The following MAP2K5 variants were observed in gnomAD, a reference collection of about 807,000 sequenced individuals.
MAP2K5 encodes the protein mitogen-activated protein kinase kinase 5.
Under a neutral mutation model 83.1 loss-of-function variants are expected in MAP2K5, and 49 were observed. The observed-to-expected ratio is 0.59, with a 90% CI of 0.47 to 0.75. MAP2K5 has a LOEUF of 0.75. Among genes scored for constraint, MAP2K5 ranks in the 30% least tolerant of loss-of-function variants. The pLI is 0.00. For synonymous variants in MAP2K5, 202 were observed against 191.8 expected, an observed-to-expected ratio of 1.05 and a Z score of -0.44; for missense variants, 457 against 557.5, an observed-to-expected ratio of 0.82 and a Z score of 1.82.
intron 21 of MAP2K5, among the ~76,000 whole-genome samples, chr15:67,797,929 C>T (rs1025978916): frequency 1.3e-5 from 2 of 152,270 alleles, no homozygotes; most frequent in Non-Finnish European, 2.9e-5. Context: ...GTGATCCACC[C>T]GCTTCAGCCT....
At chr15:67,792,520 C>G (rs964861865) in intron 21 of MAP2K5, among the ~76,000 whole-genome samples, 5 of 152,138 alleles carry the variant, frequency 3.3e-5, no homozygotes, top group African/African-American at 1.2e-4. Context: ...GAAAATTAAA[C>G]CAGCTGACAC....
In MAP2K5 at chr15:67,706,639, A is replaced by G. The variant is rs368034217; in HGVS notation, c.1044+3231A>G. Among the ~76,000 whole-genome samples, 82 of 152,298 alleles carry G rather than the reference A, an allele frequency of 5.4e-4. 1 individual carries two copies. The South Asian group carries it at 0.016, about 29-fold the overall frequency. On this transcript the variant is annotated intron_variant, in intron 16 of 21. Transcript: ENST00000178640. Reference sequence around the variant, plus strand: ...AGAGGGTTGTTGAGCACCTCTGTACATGATGCTTAACTAAATGCCTTCAGA... The same window carrying G: ...AGAGGGTTGTTGAGCACCTCTGTACGTGATGCTTAACTAAATGCCTTCAGA...
intron 12 of MAP2K5, among the ~76,000 whole-genome samples, chr15:67,664,227 C>T (rs370729818): frequency 7.5e-4 from 111 of 148,926 alleles, no homozygotes; most frequent in African/African-American, 2.7e-3. Flanking sequence ...GGTGTGGTGG[C>T]TTACGCCTGT....
intron 17 of MAP2K5, among the ~76,000 whole-genome samples, chr15:67,733,928 T>C (rs768754457): frequency 6.6e-6 from 1 of 152,230 alleles, no homozygotes. Flanking sequence ...ATACTACATA[T>C]CAAAGTATGA....
In MAP2K5 at chr15:67,749,133, A is replaced by G. The variant is rs1317295220; in HGVS notation, c.1134+532A>G. 1.3e-5 allele frequency among the ~76,000 whole-genome samples: 2 copies of G among 152,192 alleles called. No homozygotes were observed. Among genetic ancestry groups the G allele is most frequent in the African/African-American group, 2.4e-5 (1 of 41,448 alleles). On this transcript the variant is annotated intron_variant, in intron 19 of 21. Coordinates refer to ENST00000178640, the MANE Select transcript of MAP2K5 (RefSeq NM_145160.3). This position sits in a 1 kb window ranked among gnomAD's most constrained non-coding sequence, Gnocchi z 4.6. ...ATGTCCCTAACATCTTGTGTATTCT[A>G]GTAGCTGGAAACCTGTATTCTCACA...
rs1216088749 is a variant in MAP2K5 at position 67,563,675 on chromosome 15, T to G, written c.252+325T>G. Among the ~76,000 whole-genome samples, 2 of 152,100 alleles carry G rather than the reference T, an allele frequency of 1.3e-5. No homozygotes were observed. The highest frequency in any genetic ancestry group is 3.8e-4 in the East Asian group (2 of 5,196). ...GCTCATTAAAAATGAACCCCTGGGCTCTAAAAAATTTTTCAAAATCTACTT... is the reference window on the plus strand; with the variant it reads ...GCTCATTAAAAATGAACCCCTGGGCGCTAAAAAATTTTTCAAAATCTACTT... On this transcript the variant is annotated intron_variant, in intron 3 of 21. Coordinates refer to ENST00000178640, the MANE Select transcript of MAP2K5 (RefSeq NM_145160.3). This position sits in a 1 kb window ranked among gnomAD's most constrained non-coding sequence, Gnocchi z 4.5.
At chr15:67,756,558 T>TGTGC (rs2089841306) in intron 19 of MAP2K5, among the ~76,000 whole-genome samples, 1 of 72,304 alleles carries the variant, frequency 1.4e-5, no homozygotes, top group African/African-American at 5.7e-5. Flanking sequence ...TGTGTGTGTG[T>TGTGC]GTGTTGATAA....
At position 67,702,853 on chromosome 15, in the gene MAP2K5, A is replaced by G. The variant is rs1293177443; in HGVS notation, c.973-484A>G. 6.6e-6 allele frequency among the ~76,000 whole-genome samples: 1 copy of G among 152,238 alleles called. No individual in the cohort carries two copies. Among genetic ancestry groups the G allele is most frequent in the Non-Finnish European group, 1.5e-5 (1 of 68,042 alleles). ...ATCTCATTTTTTCAAATTTCCTATA[A>G]GTTTGAAATTATTTTCAAATAAAAA... is the stretch of plus-strand genomic sequence containing the variant. On this transcript the variant is annotated intron_variant, in intron 15 of 21. Coordinates refer to ENST00000178640, the MANE Select transcript of MAP2K5 (RefSeq NM_145160.3). The surrounding 1 kb of genome is among the most constrained non-coding windows in gnomAD (Gnocchi z 4.6).
chr15:67,574,967 G>A (rs1250662262), intron 3 of MAP2K5, among the ~76,000 whole-genome samples: 1 of 152,172 alleles, frequency 6.6e-6, no homozygotes, highest in Non-Finnish European at 1.5e-5. Context: ...CAGATTTCTG[G>A]TTTGGGAAAC....
chr15:67,657,629 T>A (rs550332559), intron 11 of MAP2K5, among the ~76,000 whole-genome samples: 1 of 152,020 alleles, frequency 6.6e-6, no homozygotes, highest in Non-Finnish European at 1.5e-5. Context: ...TCCCAGTTTC[T>A]TGTTCCAATC....
At chr15:67,672,845 G>A (rs558214795) in intron 13 of MAP2K5, among the ~76,000 whole-genome samples, 2 of 151,160 alleles carry the variant, frequency 1.3e-5, no homozygotes, top group Admixed American at 6.6e-5. Flanking sequence ...TGTATAAGGT[G>A]TAAGGAAGGG....
intron 3 of MAP2K5, among the ~76,000 whole-genome samples, chr15:67,567,716 C>T (rs891278009): frequency 6.6e-6 from 1 of 152,140 alleles, no homozygotes; most frequent in Non-Finnish European, 1.5e-5. Flanking sequence ...AAAAAATACA[C>T]ACAACCTACA....
In MAP2K5 at chr15:67,543,141, C is replaced by T; in HGVS notation, c.-195C>T. 1 of 603,276 alleles carries T rather than the reference C, an allele frequency of 1.7e-6. No individual in the cohort carries two copies. Among genetic ancestry groups the T allele is most frequent in the Non-Finnish European group, 2.9e-6 (1 of 339,836 alleles). The allele number at this position is 603,276 out of a possible 1,614,324, so 37.4% of individuals were successfully genotyped here. On this transcript the variant is annotated 5_prime_UTR_variant, in exon 1 of 22. Coordinates refer to ENST00000178640, the MANE Select transcript of MAP2K5 (RefSeq NM_145160.3). This position sits in a 1 kb window ranked among gnomAD's most constrained non-coding sequence, Gnocchi z 4.3. ...CCCGGGAGACACCTCAGACCCCCGA[C>T]AGCCTGGGCAGGCTCGGTGCCTGCG...
chr15:67,683,797 C>G (rs987918749), intron 13 of MAP2K5, among the ~76,000 whole-genome samples: 4 of 152,142 alleles, frequency 2.6e-5, no homozygotes, highest in African/African-American at 9.7e-5. Flanking sequence ...ACAGATACTT[C>G]TACTTCTGCC....
chr15:67,756,226 A>C (rs1246165247), intron 19 of MAP2K5, among the ~76,000 whole-genome samples: 1 of 152,192 alleles, frequency 6.6e-6, no homozygotes, highest in African/African-American at 2.4e-5. Flanking sequence ...TGATTGAAGG[A>C]GACTGCCCCT....
intron 4 of MAP2K5, among the ~76,000 whole-genome samples, chr15:67,584,454 T>G (rs1208634318): frequency 6.6e-6 from 1 of 152,240 alleles, no homozygotes; most frequent in East Asian, 1.9e-4. Context: ...GGACCAGACG[T>G]CAAATGCATG....
intron 7 of MAP2K5, 33 bp downstream of exon 7, chr15:67,593,007 A>G (rs545578609): frequency 1.4e-6 from 2 of 1,384,918 alleles, no homozygotes; most frequent in Non-Finnish European, 2.0e-6. Flanking sequence ...ATTTTCACAT[A>G]ATAATAACAT....
At chr15:67,675,832 T>G (rs2087666713) in intron 13 of MAP2K5, among the ~76,000 whole-genome samples, 1 of 152,144 alleles carries the variant, frequency 6.6e-6, no homozygotes, top group Admixed American at 6.5e-5. Context: ...ATAGGCAGAG[T>G]CATCCCTTTT....
chr15:67,756,821 A>G (rs2089848365), intron 19 of MAP2K5, among the ~76,000 whole-genome samples: 1 of 152,070 alleles, frequency 6.6e-6, no homozygotes, highest in South Asian at 2.1e-4. Flanking sequence ...TTCACTTAGC[A>G]TATTCATCTG....
Sources: allele counts gnomAD v4.1 joint callset (sites outside exome capture counted in the v4.1 genomes callset), GRCh38; gene constraint gnomAD v4.1.1; non-coding constraint Gnocchi (gnomAD v3.1); transcripts MANE v1.5; gene names NCBI Gene and HGNC (gene_info 2026-07-23, HGNC 2026-07-21).